The following GMCL1 variants were observed in gnomAD, a reference collection of about 807,000 sequenced individuals.
GMCL1 encodes the protein germ cell-less protein-like 1.
In GMCL1, 54 loss-of-function variants were observed where a neutral mutation model predicts 75.5. The ratio of observed to expected loss-of-function variants is 0.71; its 90% CI spans 0.57 to 0.90. GMCL1 has a LOEUF of 0.90. GMCL1 is among the 40% of genes least tolerant of loss of function. GMCL1 has a pLI of 0.00. For missense variants in GMCL1, 537 were observed against 622.7 expected (o/e 0.86, Z 1.47); for synonymous variants, 210 against 209.6 (o/e 1.00, Z -0.02).
At chr2:69,864,411 AGACTT>A (rs1248752868) in intron 10 of GMCL1, among the ~76,000 whole-genome samples, 1 of 152,014 alleles carries the variant, frequency 6.6e-6, no homozygotes, top group Non-Finnish European at 1.5e-5. Context: ...AACCAAATAA[AGACTT>A]AACTGATAAA....
At chr2:69,853,627 CA>C (rs1177779181) in intron 8 of GMCL1, among the ~76,000 whole-genome samples, 1 of 152,098 alleles carries the variant, frequency 6.6e-6, no homozygotes, top group Non-Finnish European at 1.5e-5. Flanking sequence ...TGTCGTTTAA[CA>C]GAAAACATAG....
intron 12 of GMCL1, among the ~76,000 whole-genome samples, chr2:69,871,410 C>T (rs917191301): frequency 1.3e-5 from 2 of 151,726 alleles, no homozygotes; most frequent in East Asian, 3.9e-4. Context: ...GGAGCTTCAG[C>T]GAGGGAAAAT....
intron 9 of GMCL1, among the ~76,000 whole-genome samples, chr2:69,857,272 C>G (rs1280898753): frequency 6.6e-6 from 1 of 152,144 alleles, no homozygotes; most frequent in East Asian, 1.9e-4. Flanking sequence ...ACTCTGTGTC[C>G]TTCACTTGGC....
intron 9 of GMCL1, 119 bp downstream of exon 9, chr2:69,855,079 C>A: frequency 2.7e-6 from 2 of 754,390 alleles, no homozygotes; most frequent in South Asian, 2.0e-5. Flanking sequence ...AGGTATACAT[C>A]TTTATGCCAA....
chr2:69,862,786 AAAT>A (rs929210299), intron 10 of GMCL1, among the ~76,000 whole-genome samples: 7 of 152,292 alleles, frequency 4.6e-5, no homozygotes, highest in Admixed American at 2.6e-4. Flanking sequence ...GTTGAAATAC[AAAT>A]AATAAATTGA....
intron 10 of GMCL1, among the ~76,000 whole-genome samples, chr2:69,864,384 A>T (rs1020165585): frequency 6.6e-6 from 1 of 151,922 alleles, no homozygotes; most frequent in Non-Finnish European, 1.5e-5. Context: ...TAGTTGATTA[A>T]GGTTTTTAAA....
chr2:69,864,362 C>T (rs1173510406), intron 10 of GMCL1, among the ~76,000 whole-genome samples: 1 of 151,780 alleles, frequency 6.6e-6, no homozygotes, highest in Non-Finnish European at 1.5e-5. Context: ...CTTTAGATAA[C>T]AGTATTTCTC....
At chr2:69,862,241 A>G (rs1408997112) in intron 10 of GMCL1, among the ~76,000 whole-genome samples, 1 of 152,076 alleles carries the variant, frequency 6.6e-6, no homozygotes, top group Non-Finnish European at 1.5e-5. Flanking sequence ...TCAAAGTTTA[A>G]TTTTTTGCCC....
Position 69,878,907 on chromosome 2 carries a change from AG to A in GMCL1, c.1453del. The A allele has an allele frequency of 6.3e-7, 1 of 1,595,406 alleles. No homozygotes were observed. Among genetic ancestry groups the A allele is most frequent in the Non-Finnish European group, 8.6e-7 (1 of 1,163,456 alleles). Reference sequence around the variant, plus strand: ...CATTGAATCTACAAATCTGTCTTATAGGAACAAGTGGTGATGAACTTGGACA... The same window carrying A: ...CATTGAATCTACAAATCTGTCTTATAGAACAAGTGGTGATGAACTTGGACA... On this transcript the variant is annotated splice_acceptor_variant, in intron 13 of 13. Coordinates refer to ENST00000282570, the MANE Select transcript of GMCL1 (RefSeq NM_178439.5). LOFTEE classifies it high-confidence loss of function.
At position 69,878,895 on chromosome 2, in the gene GMCL1, A is replaced by G; in HGVS notation, c.1453-14A>G. 6.4e-7 allele frequency: 1 copy of G among 1,560,778 alleles called. No homozygotes were observed. Among genetic ancestry groups the G allele is most frequent in the South Asian group, 1.1e-5 (1 of 89,450 alleles). ...TTATCTAATTGTCATTGAATCTACA[A>G]ATCTGTCTTATAGGAACAAGTGGTG... On this transcript the variant is annotated splice_polypyrimidine_tract_variant and intron_variant, in intron 13 of 13. Transcript: ENST00000282570.
At chr2:69,861,242 G>A (rs369784131) in intron 9 of GMCL1, 36 bp from the exon 10 acceptor site, 30 of 1,362,424 alleles carry the variant, frequency 2.2e-5, no homozygotes, top group South Asian at 1.1e-4. Flanking sequence ...TTCTTCAGTC[G>A]TTATTTATTA....
Position 69,843,168 on chromosome 2 carries a change from G to A in GMCL1, c.599G>A (p.Cys200Tyr). 1 of 1,609,726 alleles carries A rather than the reference G, an allele frequency of 6.2e-7. No homozygotes were observed. The highest frequency in any genetic ancestry group is 8.5e-7 in the Non-Finnish European group (1 of 1,176,456). The change falls in exon 5 of 14, where the codon TGT becomes TAT. Residue 200 changes from cysteine (C) to tyrosine (Y), a missense_variant. Transcript: ENST00000282570. ...TTACAGGACGGTTTAATACAGCAGT[G>A]TGGTGAGACAATGAAGGAAACAGTT... ...LLQLDGLIQQ[C>Y]GETMKETVNV...
chr2:69,858,061 T>C (rs906941064), intron 9 of GMCL1, among the ~76,000 whole-genome samples: 3 of 152,214 alleles, frequency 2.0e-5, no homozygotes, highest in Admixed American at 6.5e-5. Context: ...ATTTATTCCA[T>C]TGGGAAAATA....
chr2:69,862,690 C>T (rs1044171206), intron 10 of GMCL1, among the ~76,000 whole-genome samples: 4 of 151,562 alleles, frequency 2.6e-5, no homozygotes, highest in African/African-American at 7.3e-5. Flanking sequence ...ACCCGGGAGG[C>T]GGAAGTTGCA....
At chr2:69,856,783 A>G (rs1205245359) in intron 9 of GMCL1, among the ~76,000 whole-genome samples, 1 of 150,782 alleles carries the variant, frequency 6.6e-6, no homozygotes. Flanking sequence ...TTTCCAAACC[A>G]TTATTGCATG....
chr2:69,866,995 A>T (rs949328921), intron 11 of GMCL1, among the ~76,000 whole-genome samples: 6 of 148,860 alleles, frequency 4.0e-5, no homozygotes, highest in Non-Finnish European at 7.4e-5. Context: ...CCCAGGCTGG[A>T]GTGTAGTGGC....
At chr2:69,843,078 T>C (rs1675032522) in intron 4 of GMCL1, 71 bp from the exon 5 acceptor site, 1 of 611,172 alleles carries the variant, frequency 1.6e-6, no homozygotes, top group Non-Finnish European at 2.8e-6. Context: ...TACTTTTTAA[T>C]ATGTAAAAGC....
chr2:69,852,602 G>A (rs1233266522), intron 8 of GMCL1, among the ~76,000 whole-genome samples: 2 of 151,542 alleles, frequency 1.3e-5, no homozygotes, highest in East Asian at 3.9e-4. Flanking sequence ...GCAGTGGTGC[G>A]ATCTTGGCTC....
At chr2:69,855,003 T>C (rs1181136182) in intron 9 of GMCL1, 43 bp downstream of exon 9, 1 of 1,383,258 alleles carries the variant, frequency 7.2e-7, no homozygotes, top group Admixed American at 2.1e-5. Context: ...ATATTTCTGA[T>C]TATAAAGTAA....
Sources: allele counts gnomAD v4.1 joint callset (sites outside exome capture counted in the v4.1 genomes callset), GRCh38; gene constraint gnomAD v4.1.1; transcripts MANE v1.5; gene names NCBI Gene and HGNC (gene_info 2026-07-23, HGNC 2026-07-21).